Variants in TMPRSS11F observed in about 807,000 individuals in gnomAD.
The protein encoded by TMPRSS11F is transmembrane protease serine 11F.
A neutral mutation model predicts 60.2 loss-of-function variants in TMPRSS11F; 47 were observed. The ratio of observed to expected loss-of-function variants is 0.78; its 90% CI spans 0.62 to 1.00. The LOEUF (loss-of-function observed/expected upper bound fraction) is 1.00. TMPRSS11F is among the 50% of genes least tolerant of loss of function. The probability of loss-of-function intolerance (pLI) is 0.00; values close to 1 mark genes in which losing one functional copy is unlikely to be tolerated. For synonymous variants in TMPRSS11F, 166 were observed against 167.3 expected (o/e 0.99, Z 0.06); for missense variants, 519 against 522.9 (o/e 0.99, Z 0.07).
In TMPRSS11F at chr4:68,053,346, A is replaced by G. The variant is rs1722980545; in HGVS notation, c.*563T>C. On this transcript the variant is annotated 3_prime_UTR_variant, in exon 10 of 10. Coordinates refer to ENST00000356291, the MANE Select transcript of TMPRSS11F (RefSeq NM_207407.2). ...TTAACAGCAAGTTCAGATACATTTA[A>G]AAACTTTTAAAATGTCAACTGTTGA... is the stretch of plus-strand genomic sequence containing the variant. The G allele has an allele frequency of 6.6e-6, 1 of 152,606 alleles. No individual in the cohort carries two copies. Among genetic ancestry groups the G allele is most frequent in the African/African-American group, 2.4e-5 (1 of 41,450 alleles). 9.5% of individuals were successfully genotyped at this position (152,606 alleles called of 1,614,324 possible).
intron 7 of TMPRSS11F, among the ~76,000 whole-genome samples, chr4:68,066,497 T>A (rs7674140): frequency 0.73 from 110,046 of 151,640 alleles, 40,659 homozygotes; most frequent in East Asian, 0.88. Context: ...GAGATGGTTC[T>A]GGTCTCTTTC....
intron 1 of TMPRSS11F, among the ~76,000 whole-genome samples, chr4:68,128,755 A>G (rs1430231417): frequency 6.6e-6 from 1 of 152,156 alleles, no homozygotes; most frequent in African/African-American, 2.4e-5. Context: ...TTGATAAATA[A>G]GAAATATACT....
chr4:68,090,685 A>T, intron 2 of TMPRSS11F, 44 bp from the exon 3 acceptor site: 1 of 1,565,162 alleles, frequency 6.4e-7, no homozygotes, highest in Non-Finnish European at 8.7e-7. Flanking sequence ...AAAGGTAATA[A>T]GTTGTTTTGT....
chr4:68,100,127 G>A (rs1724160437), intron 1 of TMPRSS11F, among the ~76,000 whole-genome samples: 1 of 151,662 alleles, frequency 6.6e-6, no homozygotes, highest in Admixed American at 6.6e-5. Flanking sequence ...TTACTAATAG[G>A]GGGTAAAAAC....
At chr4:68,098,504 A>AG (rs1267613711) in intron 2 of TMPRSS11F, among the ~76,000 whole-genome samples, 1 of 152,184 alleles carries the variant, frequency 6.6e-6, no homozygotes, top group Non-Finnish European at 1.5e-5. Context: ...AGCCCTTTAA[A>AG]GGTATTTTTC....
chr4:68,120,044 T>C (rs548488806), intron 1 of TMPRSS11F, among the ~76,000 whole-genome samples: 1 of 152,320 alleles, frequency 6.6e-6, no homozygotes, highest in Non-Finnish European at 1.5e-5. Flanking sequence ...GTGGAGGAAG[T>C]AACTGCAGAT....
chr4:68,084,467 G>A (rs893089114), intron 3 of TMPRSS11F, among the ~76,000 whole-genome samples: 15 of 152,162 alleles, frequency 9.9e-5, no homozygotes, highest in Non-Finnish European at 1.6e-4. Context: ...GGCCATCTCA[G>A]CAGAAACCTT....
chr4:68,095,829 G>C (rs546409522), intron 2 of TMPRSS11F, among the ~76,000 whole-genome samples: 66 of 148,024 alleles, frequency 4.5e-4, no homozygotes, highest in African/African-American at 1.7e-3. Flanking sequence ...CCGGGAGGCA[G>C]AGGTTGCAGT....
intron 8 of TMPRSS11F, chr4:68,062,561 G>A (rs1408137883): frequency 5.0e-6 from 4 of 807,218 alleles, no homozygotes; most frequent in South Asian, 4.0e-5. Flanking sequence ...CTCTAGCAAC[G>A]CCTGCCATCT....
At chr4:68,082,978 A>T (rs1217736760) in intron 3 of TMPRSS11F, among the ~76,000 whole-genome samples, 1 of 152,240 alleles carries the variant, frequency 6.6e-6, no homozygotes, top group Non-Finnish European at 1.5e-5. Context: ...CCAGATACTC[A>T]GGAAGCAAAC....
intron 3 of TMPRSS11F, among the ~76,000 whole-genome samples, chr4:68,086,560 G>T (rs1175736294): frequency 6.6e-6 from 1 of 151,702 alleles, no homozygotes; most frequent in Non-Finnish European, 1.5e-5. Flanking sequence ...ACAAAAATCT[G>T]TTAAAAAAAG....
chr4:68,089,398 G>A (rs1025303414), intron 3 of TMPRSS11F, among the ~76,000 whole-genome samples: 22 of 152,048 alleles, frequency 1.4e-4, no homozygotes, highest in African/African-American at 4.8e-4. Context: ...GACCTACAGC[G>A]CAACTAGTTG....
Position 68,084,724 on chromosome 4 carries a change from A to AT in TMPRSS11F, c.282+5798dup, listed in dbSNP as rs541014302. ...CAGAAACACATTTATTTATTTATTT[A>AT]TTTTTTTATGTTCTTTTTTTTTATT... On this transcript the variant is annotated intron_variant, in intron 3 of 9. Transcript: ENST00000356291. Among the ~76,000 whole-genome samples the AT allele has an allele frequency of 3.4e-3, 499 of 148,416 alleles. 3 individuals carry two copies. Among genetic ancestry groups the AT allele is most frequent in the African/African-American group, 0.013 (481 of 38,294 alleles).
chr4:68,128,453 A>G (rs1724756119), intron 1 of TMPRSS11F, among the ~76,000 whole-genome samples: 1 of 152,008 alleles, frequency 6.6e-6, no homozygotes, highest in South Asian at 2.1e-4. Context: ...AATCCTCAGA[A>G]CTCTAATAAA....
At position 68,064,709 on chromosome 4, in the gene TMPRSS11F, C is replaced by G. The variant is rs1723283953; in HGVS notation, c.991G>C (p.Gly331Arg). Residue 331 changes from glycine to arginine, a missense_variant, in exon 8 of 10, where the codon GGA becomes CGA. By Grantham distance (125) the Gly-to-Arg change is moderately radical. Transcript: ENST00000356291. ...CCATCATCTACAATGGATCCAAATCCTGTGACGAACACACTTGTTTTAGGT... is the reference window on the plus strand; with the variant it reads ...CCATCATCTACAATGGATCCAAATCGTGTGACGAACACACTTGTTTTAGGT... Reference protein sequence around the residue: ...LPPKTSVFVTGFGSIVDDGPI... With the variant: ...LPPKTSVFVTRFGSIVDDGPI... The G allele has an allele frequency of 1.2e-6, 2 of 1,614,088 alleles. No individual in the cohort carries two copies. Among genetic ancestry groups the G allele is most frequent in the Non-Finnish European group, 1.7e-6 (2 of 1,180,008 alleles).
chr4:68,084,393 G>GA (rs941557927), intron 3 of TMPRSS11F, among the ~76,000 whole-genome samples: 8 of 151,172 alleles, frequency 5.3e-5, no homozygotes, highest in African/African-American at 9.7e-5. Context: ...CGCTGCAAAA[G>GA]AAAAAAAAAT....
At chr4:68,087,588 A>G (rs1328562522) in intron 3 of TMPRSS11F, among the ~76,000 whole-genome samples, 2 of 88,738 alleles carry the variant, frequency 2.3e-5, no homozygotes, top group African/African-American at 7.6e-5. Flanking sequence ...TTCACAAATG[A>G]TACAATTCTA....
chr4:68,094,348 A>G (rs1163743398), intron 2 of TMPRSS11F, among the ~76,000 whole-genome samples: 40 of 134,576 alleles, frequency 3.0e-4, no homozygotes, highest in African/African-American at 9.2e-4. Flanking sequence ...GAATTGAACA[A>G]TGAGAACACA....
intron 1 of TMPRSS11F, among the ~76,000 whole-genome samples, chr4:68,129,056 T>C (rs1474909863): frequency 6.6e-6 from 1 of 152,168 alleles, no homozygotes; most frequent in Non-Finnish European, 1.5e-5. Flanking sequence ...AATTTGTGTC[T>C]GTAGAAAGAT....
Sources: allele counts gnomAD v4.1 joint callset (sites outside exome capture counted in the v4.1 genomes callset), GRCh38; gene constraint gnomAD v4.1.1; transcripts MANE v1.5; gene names NCBI Gene and HGNC (gene_info 2026-07-23, HGNC 2026-07-21).